ST6GAL2: variants seen among roughly 807,000 people sequenced by gnomAD.
ST6GAL2 encodes beta-galactoside alpha-2,6-sialyltransferase 2.
A neutral mutation model predicts 37.5 loss-of-function variants in ST6GAL2; 24 were observed. The ratio of observed to expected loss-of-function variants is 0.64; its 90% CI spans 0.46 to 0.90. The LOEUF is 0.90. ST6GAL2 is among the 40% of genes least tolerant of loss of function. The pLI is 0.00. For synonymous variants in ST6GAL2, 306 were observed against 295.1 expected (o/e 1.04, Z -0.38); for missense variants, 715 against 712.7 (o/e 1.00, Z -0.04).
intron 1 of ST6GAL2, among the ~76,000 whole-genome samples, chr2:106,862,143 C>T (rs1045960588): frequency 1.3e-5 from 2 of 152,282 alleles, no homozygotes; most frequent in Admixed American, 6.5e-5. Flanking sequence ...GTGATCATTC[C>T]GTATATGATA....
intron 2 of ST6GAL2, among the ~76,000 whole-genome samples, chr2:106,839,068 CAA>C (rs1676765546): frequency 6.6e-6 from 1 of 151,668 alleles, no homozygotes; most frequent in African/African-American, 2.4e-5. Flanking sequence ...ACAAAAAAAA[CAA>C]GAGCATTTTG....
At chr2:106,858,522 G>C (rs1426774615) in intron 1 of ST6GAL2, among the ~76,000 whole-genome samples, 1 of 152,154 alleles carries the variant, frequency 6.6e-6, no homozygotes, top group Non-Finnish European at 1.5e-5. Context: ...TGTGTTTCAA[G>C]GAGTGAAGAA....
chr2:106,816,121 G>T (rs1675792959), intron 5 of ST6GAL2, among the ~76,000 whole-genome samples: 1 of 152,136 alleles, frequency 6.6e-6, no homozygotes, highest in South Asian at 2.1e-4. Flanking sequence ...TAAACATTTA[G>T]TTATATTACT....
At position 106,805,882 on chromosome 2, in the gene ST6GAL2, A is replaced by AG. The variant is rs1675399086; in HGVS notation, c.*795dup. The AG allele has an allele frequency of 1.3e-5, 2 of 152,424 alleles. No individual in the cohort carries two copies. Among genetic ancestry groups the AG allele is most frequent in the Admixed American group, 6.5e-5 (1 of 15,302 alleles). 9.4% of individuals were successfully genotyped at this position (152,424 alleles called of 1,614,324 possible). On this transcript the variant is annotated 3_prime_UTR_variant, in exon 6 of 6. Transcript: ENST00000409382. ...GAAAAGCCAGAACCGGGGAGTGTCCAGGGGCACCTGCAGCCCTGTGATTCT... is the reference window on the plus strand; with the variant it reads ...GAAAAGCCAGAACCGGGGAGTGTCCAGGGGGCACCTGCAGCCCTGTGATTCT...
intron 1 of ST6GAL2, among the ~76,000 whole-genome samples, chr2:106,877,055 A>G (rs890490915): frequency 4.6e-5 from 7 of 152,200 alleles, no homozygotes; most frequent in African/African-American, 1.2e-4. Context: ...CTCCTCCCAC[A>G]TTCCATTTGA....
chr2:106,812,950 C>T, intron 5 of ST6GAL2: 1 of 891,136 alleles, frequency 1.1e-6, no homozygotes, highest in Non-Finnish European at 1.5e-6. Context: ...ACAACTTTAT[C>T]ACTAATGAAA....
intron 5 of ST6GAL2, among the ~76,000 whole-genome samples, chr2:106,808,431 T>C (rs1447394731): frequency 6.6e-6 from 1 of 152,220 alleles, no homozygotes; most frequent in Admixed American, 6.5e-5. Flanking sequence ...TCAAATTCTA[T>C]GCAGTCAAGT....
chr2:106,843,551 G>T lies in ST6GAL2; in HGVS notation c.427C>A (p.His143Asn), dbSNP rs1376317618. Reference protein sequence around the residue: ...FAAGQPGWHSHTQGTLGFPSP... With the variant: ...FAAGQPGWHSNTQGTLGFPSP... ...GGGAATCCCAATGTCCCCTGAGTGT[G>T]GCTGTGCCACCCTGGCTGACCAGCA... Residue 143 changes from histidine (H) to asparagine (N), a missense_variant, in exon 2 of 6, where the codon CAC becomes AAC. Physicochemically the swap from His to Asn is moderately conservative, Grantham distance 68 (BLOSUM62 1). Coordinates refer to ENST00000409382, the MANE Select transcript of ST6GAL2 (RefSeq NM_001142351.2). 1 of 1,613,920 alleles carries T rather than the reference G, an allele frequency of 6.2e-7. No individual in the cohort carries two copies. Among genetic ancestry groups the T allele is most frequent in the African/African-American group, 1.3e-5 (1 of 74,940 alleles).
Position 106,845,209 on chromosome 2 carries a change from G to A in ST6GAL2, c.-57-1175C>T, listed in dbSNP as rs557410958. Among the ~76,000 whole-genome samples the A allele has an allele frequency of 3.9e-4, 59 of 152,286 alleles. 1 individual carries two copies. The South Asian group carries it at 0.011, about 29-fold the overall frequency. The stretch of plus-strand genomic sequence containing the variant: ...GTGGGGGTGCTGGAAGAAGAAGCAA[G>A]ACCATTTGGGGAAAACATAATTGGA... On this transcript the variant is annotated intron_variant, in intron 1 of 5. Coordinates refer to ENST00000409382, the MANE Select transcript of ST6GAL2 (RefSeq NM_001142351.2).
At chr2:106,810,604 C>G (rs184915021) in intron 5 of ST6GAL2, among the ~76,000 whole-genome samples, 2 of 152,052 alleles carry the variant, frequency 1.3e-5, no homozygotes, top group East Asian at 3.9e-4. Context: ...GCCACTGATA[C>G]GGAATTGGTA....
At chr2:106,858,267 A>G (rs1677659500) in intron 1 of ST6GAL2, among the ~76,000 whole-genome samples, 1 of 152,202 alleles carries the variant, frequency 6.6e-6, no homozygotes, top group Non-Finnish European at 1.5e-5. Flanking sequence ...AGTCTAGGTA[A>G]AAATGCTGAA....
At chr2:106,847,709 A>G (rs531805826) in intron 1 of ST6GAL2, among the ~76,000 whole-genome samples, 7 of 152,300 alleles carry the variant, frequency 4.6e-5, no homozygotes, top group African/African-American at 1.7e-4. Context: ...ATTTGCTAAC[A>G]TGACTAACAG....
At position 106,867,823 on chromosome 2, in the gene ST6GAL2, T is replaced by C. The variant is rs59180681; in HGVS notation, c.-58+18270A>G. Among the ~76,000 whole-genome samples, 628 of 152,294 alleles carry C rather than the reference T, an allele frequency of 4.1e-3. 2 individuals carry two copies. The highest frequency in any genetic ancestry group is 0.015 in the African/African-American group (609 of 41,562). ...AGCAGCAGATTAAAATTCTGTTTGC[T>C]TGTGTCCCGTGGAGGACTCAAAGTC... On this transcript the variant is annotated intron_variant, in intron 1 of 5. Coordinates refer to ENST00000409382, the MANE Select transcript of ST6GAL2 (RefSeq NM_001142351.2).
chr2:106,813,919 T>C (rs1284990305), intron 5 of ST6GAL2, among the ~76,000 whole-genome samples: 2 of 152,188 alleles, frequency 1.3e-5, no homozygotes, highest in Non-Finnish European at 2.9e-5. Context: ...CTAACAGAAC[T>C]CTAGGAGCTG....
intron 5 of ST6GAL2, among the ~76,000 whole-genome samples, chr2:106,823,316 C>G (rs74575676): frequency 4.6e-5 from 7 of 151,900 alleles, no homozygotes; most frequent in Non-Finnish European, 1.0e-4. Flanking sequence ...AGATCAATGA[C>G]AATTCTGATG....
chr2:106,870,641 T>A (rs1422749812), intron 1 of ST6GAL2, among the ~76,000 whole-genome samples: 1 of 152,180 alleles, frequency 6.6e-6, no homozygotes, highest in Non-Finnish European at 1.5e-5. Flanking sequence ...CCAATGATTA[T>A]GGGTTTCCTG....
intron 4 of ST6GAL2, among the ~76,000 whole-genome samples, chr2:106,830,490 C>T (rs941527304): frequency 5.3e-5 from 8 of 152,218 alleles, no homozygotes; most frequent in African/African-American, 1.4e-4. Context: ...GACTAGATCA[C>T]GGATCAGCAT....
chr2:106,850,312 G>A (rs1027142462), intron 1 of ST6GAL2, among the ~76,000 whole-genome samples: 4 of 152,118 alleles, frequency 2.6e-5, no homozygotes, highest in Admixed American at 1.3e-4. Flanking sequence ...CTCTCTGCCC[G>A]CTGTGCTGGG....
At chr2:106,876,667 C>T (rs4676093) in intron 1 of ST6GAL2, among the ~76,000 whole-genome samples, 66,536 of 151,992 alleles carry the variant, frequency 0.44, 15,623 homozygotes, top group Non-Finnish European at 0.53. Flanking sequence ...TCTTGATGTG[C>T]TGGTTATATA....
Sources: allele counts gnomAD v4.1 joint callset (sites outside exome capture counted in the v4.1 genomes callset), GRCh38; gene constraint gnomAD v4.1.1; transcripts MANE v1.5; gene names NCBI Gene and HGNC (gene_info 2026-07-23, HGNC 2026-07-21).